Variants in SYN2 observed in about 807,000 individuals in gnomAD.
SYN2 encodes the protein synapsin-2.
SYN2 carries 19 observed loss-of-function variants against 50.9 expected under a neutral mutation model. The observed-to-expected ratio is 0.37, with a 90% CI of 0.26 to 0.55. The LOEUF (loss-of-function observed/expected upper bound fraction) is 0.55. Ranked by LOEUF, SYN2 falls within the 20% of genes least tolerant of loss-of-function variation. The pLI is 0.81. For missense variants in SYN2, 587 were observed against 576.4 expected (o/e 1.02, Z -0.19); for synonymous variants, 255 against 224.9 (o/e 1.13, Z -1.20).
intron 5 of SYN2, among the ~76,000 whole-genome samples, chr3:12,157,966 A>T (rs1362526469): frequency 6.6e-6 from 1 of 152,228 alleles, no homozygotes; most frequent in Admixed American, 6.5e-5. Context: ...AGCATTAATA[A>T]CCAAAAACTG....
intron 1 of SYN2, among the ~76,000 whole-genome samples, chr3:12,125,705 C>G (rs887417923): frequency 7.2e-5 from 11 of 152,078 alleles, no homozygotes; most frequent in African/African-American, 2.7e-4. Flanking sequence ...TCAAGGGGCC[C>G]TGTTCACTGT....
intron 1 of SYN2, among the ~76,000 whole-genome samples, chr3:12,101,895 T>TG (rs895787621): frequency 1.3e-5 from 2 of 152,210 alleles, no homozygotes; most frequent in Non-Finnish European, 2.9e-5. Context: ...TCCAGTTGCC[T>TG]GGGGGATACA....
chr3:12,072,647 A>G (rs991029112), intron 1 of SYN2, among the ~76,000 whole-genome samples: 6 of 152,034 alleles, frequency 3.9e-5, no homozygotes, highest in Non-Finnish European at 7.4e-5. Flanking sequence ...GTGAAGGTCT[A>G]TTTCTGGGTT....
At position 12,040,275 on chromosome 3, in the gene SYN2, A is replaced by C. The variant is rs1574903642; in HGVS notation, c.377+35347A>C. Among the ~76,000 whole-genome samples the C allele has an allele frequency of 2.0e-5, 3 of 152,266 alleles. No individual in the cohort carries two copies. The East Asian group carries it at 5.8e-4, about 29-fold the overall frequency. On this transcript the variant is annotated intron_variant, in intron 1 of 12. Coordinates refer to ENST00000621198, the MANE Select transcript of SYN2 (RefSeq NM_133625.6). ...CAGTGAAAGTGGATTTCAGAGTGGT[A>C]ATAGGAGGCAGGAGGTCTTTGGATT...
At chr3:12,073,382 C>CG (rs1219840873) in intron 1 of SYN2, among the ~76,000 whole-genome samples, 1 of 152,160 alleles carries the variant, frequency 6.6e-6, no homozygotes, top group East Asian at 1.9e-4. Context: ...AACACCACTT[C>CG]CAGAGACTTT....
intron 10 of SYN2, 44 bp downstream of exon 10, chr3:12,169,950 C>T: frequency 6.4e-7 from 1 of 1,556,704 alleles, no homozygotes; most frequent in Non-Finnish European, 8.7e-7. Context: ...GAACCATTCC[C>T]AAGCCCACTC....
At chr3:12,153,145 A>C in intron 5 of SYN2, 1 of 332,730 alleles carries the variant, frequency 3.0e-6, no homozygotes, top group South Asian at 3.2e-5. Context: ...TCGCAAGGAT[A>C]TACCATCTCA....
chr3:12,176,951 G>GT (rs1347043927), intron 10 of SYN2, among the ~76,000 whole-genome samples: 1 of 152,158 alleles, frequency 6.6e-6, no homozygotes, highest in Non-Finnish European at 1.5e-5. Context: ...TGAGCAGCTT[G>GT]TAAGGCACAT....
At chr3:12,182,418 C>T (rs1282186679) in intron 10 of SYN2, among the ~76,000 whole-genome samples, 4 of 152,186 alleles carry the variant, frequency 2.6e-5, no homozygotes, top group Admixed American at 1.3e-4. Flanking sequence ...AGACTCCAAA[C>T]GTTCACTGCC....
intron 1 of SYN2, among the ~76,000 whole-genome samples, chr3:12,116,880 A>G (rs889852259): frequency 6.6e-6 from 1 of 152,150 alleles, no homozygotes; most frequent in African/African-American, 2.4e-5. Flanking sequence ...CCTCACGAGT[A>G]GGTGGGACTA....
chr3:12,153,520 G>A (rs1432360357), intron 5 of SYN2: 2 of 1,613,220 alleles, frequency 1.2e-6, no homozygotes, highest in South Asian at 2.2e-5. Flanking sequence ...CCCTACTAGG[G>A]CTGAACGATG....
At position 12,073,290 on chromosome 3, in the gene SYN2, G is replaced by T. The variant is rs143202615; in HGVS notation, c.378-67361G>T. Among the ~76,000 whole-genome samples, 385 of 152,314 alleles carry T rather than the reference G, an allele frequency of 2.5e-3. 8 individuals carry two copies. In the East Asian group the frequency reaches 0.044, roughly 17 times the overall value. On this transcript the variant is annotated intron_variant, in intron 1 of 12. Transcript: ENST00000621198. ...TGTATGGATTAAGGGGCGCCAAGGT[G>T]ATGAGTCACCCAGCGAGGTATAATA...
intron 5 of SYN2, among the ~76,000 whole-genome samples, chr3:12,158,184 G>T (rs1187966812): frequency 6.6e-6 from 1 of 152,174 alleles, no homozygotes; most frequent in Non-Finnish European, 1.5e-5. Context: ...GAAGGGGAGA[G>T]ACCTAAGTTA....
intron 1 of SYN2, among the ~76,000 whole-genome samples, chr3:12,098,052 G>T (rs544810721): frequency 1.3e-5 from 2 of 152,130 alleles, no homozygotes; most frequent in African/African-American, 4.8e-5. Context: ...TGAACTCTAA[G>T]TAGGATACAT....
intron 1 of SYN2, among the ~76,000 whole-genome samples, chr3:12,126,237 G>A (rs866466735): frequency 6.6e-6 from 1 of 152,194 alleles, no homozygotes; most frequent in Non-Finnish European, 1.5e-5. Context: ...TAGATCGGCA[G>A]AAGTCCCTCT....
At position 12,131,515 on chromosome 3, in the gene SYN2, T is replaced by C. The variant is rs111833688; in HGVS notation, c.378-9136T>C. Among the ~76,000 whole-genome samples, 1,336 of 152,308 alleles carry C rather than the reference T, an allele frequency of 8.8e-3. 14 individuals carry two copies. The highest frequency in any genetic ancestry group is 0.012 in the Non-Finnish European group (818 of 68,016). The stretch of plus-strand genomic sequence containing the variant: ...ACTTTGCTCCAATATCAAATCAGCC[T>C]GATTTAATTTTATAAGTCAGTCATG... On this transcript the variant is annotated intron_variant, in intron 1 of 12. Transcript: ENST00000621198.
At chr3:12,171,170 C>T (rs924924000) in intron 10 of SYN2, among the ~76,000 whole-genome samples, 1 of 152,106 alleles carries the variant, frequency 6.6e-6, no homozygotes, top group Non-Finnish European at 1.5e-5. Context: ...TAGAGAATCA[C>T]AGTAGGGTAA....
chr3:12,093,968 T>C (rs1012071943), intron 1 of SYN2, among the ~76,000 whole-genome samples: 2 of 151,936 alleles, frequency 1.3e-5, no homozygotes, highest in African/African-American at 4.8e-5. Context: ...GAGATTCTTC[T>C]GCCTCAGCCT....
chr3:12,147,108 C>G (rs895004245), intron 4 of SYN2, among the ~76,000 whole-genome samples: 1 of 152,124 alleles, frequency 6.6e-6, no homozygotes, highest in African/African-American at 2.4e-5. Context: ...TGTCACACGC[C>G]CTGGATTGCC....
Sources: allele counts gnomAD v4.1 joint callset (sites outside exome capture counted in the v4.1 genomes callset), GRCh38; gene constraint gnomAD v4.1.1; transcripts MANE v1.5; gene names NCBI Gene and HGNC (gene_info 2026-07-23, HGNC 2026-07-21).